The following SPATA13 variants were observed in gnomAD, a reference collection of about 807,000 sequenced individuals.
SPATA13 encodes spermatogenesis associated 13, also known as spermatogenesis-associated protein 13.
A neutral mutation model predicts 104.0 loss-of-function variants in SPATA13; 50 were observed. That is an observed-to-expected ratio of 0.48 (90% CI 0.38 to 0.61). The LOEUF (loss-of-function observed/expected upper bound fraction) is 0.61, where lower values mean the gene tolerates loss of function less well. Ranked by LOEUF, SPATA13 falls within the 20% of genes least tolerant of loss-of-function variation. SPATA13 has a pLI of 0.00. For missense variants in SPATA13, 1,524 were observed against 1,690.6 expected, an observed-to-expected ratio of 0.90 and a Z score of 1.73; for synonymous variants, 606 against 667.5, an observed-to-expected ratio of 0.91 and a Z score of 1.42.
chr13:24,177,022 C>T (rs945827052), intron 1 of SPATA13, among the ~76,000 whole-genome samples: 2 of 152,188 alleles, frequency 1.3e-5, no homozygotes, highest in Non-Finnish European at 2.9e-5. Context: ...GCCTTGGCCT[C>T]CCAAAGTGCT....
At chr13:24,062,572 T>C (rs991106970) in intron 3 of SPATA13, among the ~76,000 whole-genome samples, 2 of 152,110 alleles carry the variant, frequency 1.3e-5, no homozygotes, top group Non-Finnish European at 2.9e-5. Context: ...GGGGATCCGG[T>C]GACGAAGGAG....
intron 3 of SPATA13, among the ~76,000 whole-genome samples, chr13:24,043,345 C>T (rs1290367208): frequency 6.6e-6 from 1 of 152,148 alleles, no homozygotes; most frequent in Non-Finnish European, 1.5e-5. Flanking sequence ...ACACCACGTC[C>T]ACTTCTCCCA....
At chr13:24,034,526 A>T (rs2137720162) in intron 3 of SPATA13, 1 of 152,352 alleles carries the variant, frequency 6.6e-6, no homozygotes, top group Non-Finnish European at 1.5e-5. Flanking sequence ...TATATAACAG[A>T]TATTGCTGCA....
chr13:24,039,043 A>G (rs1877820396), intron 3 of SPATA13, among the ~76,000 whole-genome samples: 1 of 152,198 alleles, frequency 6.6e-6, no homozygotes, highest in South Asian at 2.1e-4. Flanking sequence ...GACGATTAAA[A>G]AAGTTATTGT....
At chr13:24,059,762 G>A (rs555134737) in intron 3 of SPATA13, among the ~76,000 whole-genome samples, 1 of 152,242 alleles carries the variant, frequency 6.6e-6, no homozygotes, top group East Asian at 1.9e-4. Context: ...AGACTATGGC[G>A]TTTCCTGGAT....
At chr13:24,005,410 C>G (rs528366574) in intron 2 of SPATA13, among the ~76,000 whole-genome samples, 118 of 152,248 alleles carry the variant, frequency 7.8e-4, no homozygotes, top group African/African-American at 2.7e-3. Flanking sequence ...GAATATAGTG[C>G]TCACCTGGTG....
At chr13:24,136,453 G>C (rs1881570237) in intron 3 of SPATA13, among the ~76,000 whole-genome samples, 1 of 151,816 alleles carries the variant, frequency 6.6e-6, no homozygotes, top group Non-Finnish European at 1.5e-5. Flanking sequence ...TCCAGCCTGG[G>C]TAACAAGAGT....
chr13:24,162,320 C>T (rs1467344627), intron 1 of SPATA13: 3 of 153,982 alleles, frequency 1.9e-5, no homozygotes, highest in South Asian at 2.1e-4. Context: ...GGCAGGCGCT[C>T]TGCCCAGCCA....
At chr13:23,983,625 A>G (rs1011666845) in intron 1 of SPATA13, 1 of 147,166 alleles carries the variant, frequency 6.8e-6, no homozygotes, top group African/African-American at 2.5e-5. Context: ...TTATTTTTAC[A>G]CTAGTATATT....
At chr13:24,293,022 A>AAAT (rs35053977) in intron 9 of SPATA13, among the ~76,000 whole-genome samples, 4,045 of 134,884 alleles carry the variant, frequency 0.03, 331 homozygotes, top group Non-Finnish European at 0.048. Flanking sequence ...AAAAAAAAAA[A>AAAT]GGCGAGGGTG....
chr13:24,066,379 A>G (rs1166139429), intron 3 of SPATA13, among the ~76,000 whole-genome samples: 1 of 152,076 alleles, frequency 6.6e-6, no homozygotes, highest in Non-Finnish European at 1.5e-5. Flanking sequence ...GGAAACTGAG[A>G]CTCAGAGTTT....
chr13:24,122,298 A>G lies in SPATA13; in HGVS notation c.-111-100521A>G, dbSNP rs537292768. 4.4e-6 allele frequency: 6 copies of G among 1,354,864 alleles called. No individual in the cohort carries two copies. The Admixed American group carries it at 1.0e-4, about 23-fold the overall frequency. The allele number at this position is 1,354,864 out of a possible 1,614,324, so 83.9% of individuals were successfully genotyped here. On this transcript the variant is annotated intron_variant, in intron 3 of 14. Coordinates refer to the SPATA13 transcript ENST00000424834. ...TGAATAGTTTGAAAGATAGTTTGAA[A>G]CTATTCAAACTATCGATTTGAATAG... is the stretch of plus-strand genomic sequence containing the variant.
intron 1 of SPATA13, among the ~76,000 whole-genome samples, chr13:24,182,443 G>T (rs1351477702): frequency 1.3e-5 from 2 of 152,070 alleles, no homozygotes. Context: ...ACAGTGGGAG[G>T]TGAAGGGGAA....
intron 3 of SPATA13, among the ~76,000 whole-genome samples, chr13:24,095,839 A>G (rs546046560): frequency 7.2e-5 from 11 of 152,362 alleles, no homozygotes; most frequent in East Asian, 1.9e-4. Context: ...CGTCATTTCT[A>G]TCTATGAAAT....
At chr13:24,027,628 CT>C (rs1156329942) in intron 3 of SPATA13, among the ~76,000 whole-genome samples, 2 of 151,924 alleles carry the variant, frequency 1.3e-5, no homozygotes, top group Non-Finnish European at 2.9e-5. Context: ...TGTATTAGTT[CT>C]TAGTTCATTA....
chr13:24,250,913 A>G (rs1294542198), intron 3 of SPATA13, among the ~76,000 whole-genome samples: 1 of 152,230 alleles, frequency 6.6e-6, no homozygotes, highest in Non-Finnish European at 1.5e-5. Context: ...GCCAAAAGGA[A>G]TGTGCGAAGT....
chr13:24,255,795 C>G (rs764593484), intron 4 of SPATA13, among the ~76,000 whole-genome samples: 39 of 152,320 alleles, frequency 2.6e-4, no homozygotes, highest in African/African-American at 8.9e-4. Context: ...TATATACCAA[C>G]GAAGTGCTAG....
At chr13:24,163,366 C>T (rs1453738451) in intron 1 of SPATA13, among the ~76,000 whole-genome samples, 2 of 152,176 alleles carry the variant, frequency 1.3e-5, no homozygotes, top group East Asian at 3.9e-4. Flanking sequence ...TTTGCCACTA[C>T]ACTGCAGCCT....
chr13:24,070,573 T>A (rs1879122908), intron 3 of SPATA13, among the ~76,000 whole-genome samples: 1 of 152,364 alleles, frequency 6.6e-6, no homozygotes, highest in East Asian at 1.9e-4. Flanking sequence ...AATTTATGTG[T>A]CAACTTGACT....
Sources: gnomAD v4.1 joint callset for allele counts (sites outside exome capture counted in the v4.1 genomes callset) on GRCh38, gnomAD v4.1.1 for gene constraint, MANE v1.5 for transcripts, NCBI Gene and HGNC (gene_info 2026-07-23, HGNC 2026-07-21) for gene names.